ATP9A: variants seen among roughly 807,000 people sequenced by gnomAD.
ATP9A encodes the protein ATPase phospholipid transporting 9A, also known as probable phospholipid-transporting ATPase IIA.
In ATP9A, 52 loss-of-function variants were observed where a neutral mutation model predicts 144.1. The ratio of observed to expected loss-of-function variants is 0.36; its 90% CI spans 0.29 to 0.45. The LOEUF is 0.45. Ranked by LOEUF, ATP9A falls within the 20% of genes least tolerant of loss-of-function variation. ATP9A has a pLI of 1.00. For missense variants in ATP9A, 947 were observed against 1,392.7 expected, an observed-to-expected ratio of 0.68 and a Z score of 5.09; for synonymous variants, 582 against 557.4, an observed-to-expected ratio of 1.04 and a Z score of -0.62.
chr20:51,749,679 C>T (rs1197381579), intron 1 of ATP9A, among the ~76,000 whole-genome samples: 1 of 152,058 alleles, frequency 6.6e-6, no homozygotes, highest in African/African-American at 2.4e-5. Context: ...TTGATAAATG[C>T]TTAAAAATTT....
In ATP9A at chr20:51,691,105, A is replaced by G. The variant is rs2077546797; in HGVS notation, c.643-286T>C. Among the ~76,000 whole-genome samples the G allele has an allele frequency of 2.0e-5, 3 of 152,166 alleles. No individual in the cohort carries two copies. The South Asian group carries it at 6.2e-4, about 32-fold the overall frequency. On this transcript the variant is annotated intron_variant, in intron 7 of 27. Transcript: ENST00000338821. ...ATGGGGTGATGCTACACACCTATGA[A>G]TACCCTGGAAAGTGGCAGACCCTCC...
At chr20:51,647,270 C>T (rs6021345) in intron 14 of ATP9A, among the ~76,000 whole-genome samples, 36,652 of 152,074 alleles carry the variant, frequency 0.24, 4,774 homozygotes, top group Non-Finnish European at 0.28. Flanking sequence ...ATTTATAGAC[C>T]GGGCACGGTG....
In ATP9A at chr20:51,750,672, G is replaced by A. The variant is rs2077827597; in HGVS notation, c.68+17630C>T. The stretch of plus-strand genomic sequence containing the variant: ...TCTATCCTCGCCCTCTTGTAGATGA[G>A]GACACTGCACCTCAGAGGGTCTTGC... On this transcript the variant is annotated intron_variant, in intron 1 of 27. Transcript: ENST00000338821. Among the ~76,000 whole-genome samples the A allele has an allele frequency of 2.0e-5, 3 of 152,192 alleles. No homozygotes were observed. The South Asian group carries it at 6.2e-4, about 32-fold the overall frequency.
rs145613635 is a variant in ATP9A at position 51,625,086 on chromosome 20, G to A, written c.2016+106C>T. On this transcript the variant is annotated intron_variant, in intron 18 of 27. Coordinates refer to ENST00000338821, the MANE Select transcript of ATP9A (RefSeq NM_006045.3). The stretch of plus-strand genomic sequence containing the variant: ...CCATTGCAGATAAGGCACTCCTGGT[G>A]TCCTCTGCTGCTCCTCCCACCCTTT... 120 of 1,075,124 alleles carry A rather than the reference G, an allele frequency of 1.1e-4. 1 individual carries two copies. In the South Asian group the frequency reaches 1.7e-3, roughly 16 times the overall value. 66.6% of individuals were successfully genotyped at this position (1,075,124 alleles called of 1,614,324 possible). A position where few individuals can be genotyped will look rare whatever the true frequency, so the allele number is the denominator to read the frequency against.
At chr20:51,652,237 T>C (rs942000933) in intron 14 of ATP9A, among the ~76,000 whole-genome samples, 1 of 152,222 alleles carries the variant, frequency 6.6e-6, no homozygotes, top group African/African-American at 2.4e-5. Context: ...CTCCGTGACT[T>C]ACTGTACGGT....
chr20:51,759,543 G>T (rs2122917607), intron 1 of ATP9A, among the ~76,000 whole-genome samples: 1 of 151,950 alleles, frequency 6.6e-6, no homozygotes, highest in Non-Finnish European at 1.5e-5. Context: ...CGTGGTGGCG[G>T]GTGCCTGTAA....
chr20:51,736,820 C>T (rs2077765024), intron 1 of ATP9A, among the ~76,000 whole-genome samples: 1 of 151,664 alleles, frequency 6.6e-6, no homozygotes, highest in South Asian at 2.1e-4. Flanking sequence ...GAGGCTGGTG[C>T]CATCATCCAG....
At chr20:51,690,274 G>C (rs6126302) in intron 8 of ATP9A, among the ~76,000 whole-genome samples, 1 of 152,030 alleles carries the variant, frequency 6.6e-6, no homozygotes, top group African/African-American at 2.4e-5. Flanking sequence ...CAAAAAATTA[G>C]CTGGGCGCAG....
At chr20:51,743,696 C>T (rs561509863) in intron 1 of ATP9A, among the ~76,000 whole-genome samples, 17 of 141,812 alleles carry the variant, frequency 1.2e-4, no homozygotes, top group Non-Finnish European at 2.3e-4. Flanking sequence ...AGCCACCGTG[C>T]CCAGCCCAAA....
chr20:51,684,896 G>C (rs1235664524), intron 9 of ATP9A, among the ~76,000 whole-genome samples: 2 of 131,398 alleles, frequency 1.5e-5, no homozygotes, highest in Non-Finnish European at 3.3e-5. Flanking sequence ...CTGTAGTCCC[G>C]GCTACTAGGG....
In ATP9A at chr20:51,601,294, G is replaced by C; in HGVS notation, c.3061C>G (p.Leu1021Val). ...SFLWKVSVITLVSCLPLYVLK... is the reference protein window; with the variant it reads ...SFLWKVSVITVVSCLPLYVLK... ...ACATAGAGGGGGAGGCAGCTGACCA[G>C]AGTGATGACGGAGACTTTCCACAAG... is the stretch of plus-strand genomic sequence containing the variant. Residue 1021 changes from leucine to valine, a missense_variant, in exon 28 of 28, where the codon CTG becomes GTG. Coordinates refer to ENST00000338821, the MANE Select transcript of ATP9A (RefSeq NM_006045.3). The C allele has an allele frequency of 4.3e-6, 7 of 1,613,810 alleles. No homozygotes were observed. Among genetic ancestry groups the C allele is most frequent in the Non-Finnish European group, 5.9e-6 (7 of 1,179,814 alleles).
intron 14 of ATP9A, among the ~76,000 whole-genome samples, chr20:51,653,193 T>TC (rs397764923): frequency 1.9e-4 from 29 of 151,420 alleles, no homozygotes; most frequent in Non-Finnish European, 7.4e-5. Flanking sequence ...TTTTTTTTTT[T>TC]CTCAATCATG....
intron 2 of ATP9A, among the ~76,000 whole-genome samples, chr20:51,726,640 G>A (rs562825554): frequency 1.5e-4 from 23 of 152,174 alleles, no homozygotes; most frequent in African/African-American, 4.8e-4. Flanking sequence ...GTCCAGTGGC[G>A]TGATCGTAGC....
At chr20:51,667,095 G>A (rs770498229) in intron 13 of ATP9A, among the ~76,000 whole-genome samples, 1 of 152,146 alleles carries the variant, frequency 6.6e-6, no homozygotes, top group East Asian at 1.9e-4. Context: ...ACTCAAGGCC[G>A]GGATGGGCAA....
intron 1 of ATP9A, among the ~76,000 whole-genome samples, chr20:51,754,393 C>T (rs1280759860): frequency 2.0e-5 from 3 of 150,948 alleles, no homozygotes; most frequent in Admixed American, 6.6e-5. Flanking sequence ...ATCCCAGCTA[C>T]GCAGGAGGCT....
At chr20:51,609,724 G>A (rs1306883178) in intron 24 of ATP9A, among the ~76,000 whole-genome samples, 2 of 152,200 alleles carry the variant, frequency 1.3e-5, no homozygotes, top group Non-Finnish European at 2.9e-5. Flanking sequence ...GTTCAGGCCA[G>A]GAGGGCATTT....
rs375101603 is a variant in ATP9A, at chr20:51,730,106, A to C, written c.69-128T>G. 7.6e-5 allele frequency: 78 copies of C among 1,031,982 alleles called. 1 individual carries two copies. The East Asian group carries it at 1.7e-3, about 22-fold the overall frequency. 63.9% of individuals were successfully genotyped at this position (1,031,982 alleles called of 1,614,324 possible). A position where few individuals can be genotyped will look rare whatever the true frequency, so the allele number is the denominator to read the frequency against. On this transcript the variant is annotated intron_variant, in intron 1 of 27. Transcript: ENST00000338821. ...TGGCTCAGGACCACAGCCATATTTG[A>C]GGCTTCATCTTTCAGTGAAACAAGA...
At chr20:51,704,473 G>C (rs1258936809) in intron 4 of ATP9A, among the ~76,000 whole-genome samples, 2 of 152,062 alleles carry the variant, frequency 1.3e-5, no homozygotes, top group Non-Finnish European at 2.9e-5. Context: ...TCTGAACTTT[G>C]TGGATCTTAA....
intron 4 of ATP9A, among the ~76,000 whole-genome samples, chr20:51,703,381 A>G (rs1306775838): frequency 2.0e-5 from 3 of 152,240 alleles, no homozygotes; most frequent in Non-Finnish European, 4.4e-5. Context: ...GCATTTGCAG[A>G]AATTCTACAA....
Sources: gnomAD v4.1 joint callset for allele counts (sites outside exome capture counted in the v4.1 genomes callset) on GRCh38, gnomAD v4.1.1 for gene constraint, MANE v1.5 for transcripts, NCBI Gene and HGNC (gene_info 2026-07-23, HGNC 2026-07-21) for gene names.